The following DMD variants were observed in gnomAD, a reference collection of about 807,000 sequenced individuals.
DMD encodes dystrophin, also known as mutant dystrophin.
In DMD, 63 loss-of-function variants were observed where a neutral mutation model predicts 330.1. The observed-to-expected ratio is 0.19, with a 90% confidence interval of 0.16 to 0.24. The LOEUF (loss-of-function observed/expected upper bound fraction) is 0.24, where lower values mean the gene tolerates loss of function less well. Ranked by LOEUF, DMD falls within the 10% of genes least tolerant of loss-of-function variation. The pLI, the probability that DMD is intolerant of heterozygous loss-of-function variation, is 1.00. For synonymous variants in DMD, 1,223 were observed against 959.8 expected (o/e 1.27, Z -5.07); for missense variants, 3,344 against 2,684.1 (o/e 1.25, Z -5.43).
Position 32,811,939 on chromosome X carries a change from T to A in DMD, c.531-2328A>T, listed in dbSNP as rs1040892071. On this transcript the variant is annotated intron_variant, in intron 6 of 78. Coordinates refer to ENST00000357033, the MANE Select transcript of DMD (RefSeq NM_004006.3). ...AGGAAAAAAGCAAAACATGCTCAGATAATCAAGACCTCACAGGCCTGGCTC... is the reference window on the plus strand; with the variant it reads ...AGGAAAAAAGCAAAACATGCTCAGAAAATCAAGACCTCACAGGCCTGGCTC... Among the ~76,000 whole-genome samples the A allele has an allele frequency of 3.6e-5, 4 of 112,044 alleles. No individual in the cohort carries two copies. The Admixed American group carries it at 3.8e-4, about 11-fold the overall frequency.
chrX:33,120,878 C>CAAAAAA (rs1171070469), intron 1 of DMD, among the ~76,000 whole-genome samples: 2 of 36,691 alleles, frequency 5.5e-5, no homozygotes, highest in African/African-American at 1.3e-4. Flanking sequence ...ATGACTCTCT[C>CAAAAAA]AAAAAAAAAA....
intron 7 of DMD, among the ~76,000 whole-genome samples, chrX:32,702,842 T>A (rs776719206): frequency 1.0e-3 from 114 of 111,410 alleles, no homozygotes; most frequent in Non-Finnish European, 1.8e-3. Context: ...AATGCCTATA[T>A]ACAAAGTTAT....
chrX:31,660,490 G>C (rs1029601118), intron 53 of DMD, among the ~76,000 whole-genome samples: 55 of 111,949 alleles, frequency 4.9e-4, no homozygotes, highest in African/African-American at 1.8e-3. Context: ...TCCAGAGGGT[G>C]CTATTTGCAT....
At chrX:33,132,368 A>T (rs765293264) in intron 1 of DMD, among the ~76,000 whole-genome samples, 1 of 111,604 alleles carries the variant, frequency 9.0e-6, no homozygotes, top group African/African-American at 3.3e-5. Flanking sequence ...TGGGCATTGC[A>T]CCTTGCACAA....
At chrX:32,481,425 A>T (rs1235041324) in intron 21 of DMD, among the ~76,000 whole-genome samples, 3 of 111,431 alleles carry the variant, frequency 2.7e-5, no homozygotes, top group Non-Finnish European at 1.9e-5. Context: ...AATACAACTA[A>T]GGGTACTTAA....
intron 70 of DMD, chrX:31,178,262 G>C (rs959806591): frequency 1.3e-6 from 1 of 749,443 alleles, no homozygotes; most frequent in African/African-American, 2.3e-5. Flanking sequence ...ATTTTCTTTT[G>C]AGTAGAAACA....
At chrX:31,461,048 C>A (rs935329524) in intron 59 of DMD, among the ~76,000 whole-genome samples, 11 of 111,177 alleles carry the variant, frequency 9.9e-5, no homozygotes, top group African/African-American at 3.6e-4. Flanking sequence ...GAAAAGAAGC[C>A]ATTTATTCAT....
intron 9 of DMD, among the ~76,000 whole-genome samples, chrX:32,655,511 T>C (rs548008854): frequency 8.0e-5 from 9 of 112,261 alleles, no homozygotes; most frequent in African/African-American, 2.3e-4. Flanking sequence ...GACACTTTGT[T>C]ATAATTTCTG....
chrX:32,096,362 A>C (rs961898342), intron 44 of DMD, among the ~76,000 whole-genome samples: 5 of 111,401 alleles, frequency 4.5e-5, no homozygotes, highest in African/African-American at 1.6e-4. Context: ...TCTTCAAATA[A>C]ACAGCCATTC....
At chrX:32,384,561 A>G (rs1446256376) in intron 33 of DMD, among the ~76,000 whole-genome samples, 2 of 111,116 alleles carry the variant, frequency 1.8e-5, no homozygotes, top group East Asian at 5.6e-4. Context: ...GGTTTTTAAA[A>G]TATAAAAACA....
intron 7 of DMD, among the ~76,000 whole-genome samples, chrX:32,720,645 T>C (rs931432230): frequency 8.0e-5 from 9 of 111,821 alleles, no homozygotes; most frequent in Admixed American, 7.6e-4. Context: ...CATCTCTGGA[T>C]CTGACATATT....
At chrX:33,309,073 A>C (rs892416700) in intron 1 of DMD, among the ~76,000 whole-genome samples, 1 of 111,682 alleles carries the variant, frequency 9.0e-6, no homozygotes, top group Non-Finnish European at 1.9e-5. Context: ...ATATGGGAAC[A>C]CTAAAGCTCT....
chrX:32,518,512 G>T (rs763300137), intron 17 of DMD, among the ~76,000 whole-genome samples: 8 of 110,620 alleles, frequency 7.2e-5, no homozygotes, highest in Non-Finnish European at 1.3e-4. Flanking sequence ...GGTCACCATT[G>T]AAACACATGC....
chrX:31,948,804 T>G (rs1171138491), intron 45 of DMD, among the ~76,000 whole-genome samples: 1 of 111,918 alleles, frequency 8.9e-6, no homozygotes, highest in Non-Finnish European at 1.9e-5. Flanking sequence ...AATAATAAGC[T>G]TTTCTTCTAT....
intron 67 of DMD, among the ~76,000 whole-genome samples, chrX:31,202,142 C>T (rs779011175): frequency 7.2e-5 from 8 of 111,309 alleles, no homozygotes; most frequent in Admixed American, 4.8e-4. Context: ...GCCGAGATCG[C>T]GCCATTGCAC....
intron 13 of DMD, among the ~76,000 whole-genome samples, chrX:32,583,050 T>C (rs774806537): frequency 8.9e-6 from 1 of 112,062 alleles, no homozygotes; most frequent in South Asian, 3.7e-4. Context: ...TTCTACTAGC[T>C]CTCCTCAGTG....
At chrX:32,525,901 T>C (rs763123331) in intron 17 of DMD, among the ~76,000 whole-genome samples, 3 of 112,180 alleles carry the variant, frequency 2.7e-5, no homozygotes, top group South Asian at 3.7e-4. Context: ...TTCAATGCCA[T>C]ATTCAACGTT....
rs755244758 is a variant in DMD at position 32,719,914 on chromosome X, T to A, written c.650-20621A>T. On this transcript the variant is annotated intron_variant, in intron 7 of 78. Transcript: ENST00000357033. Reference sequence around the variant, plus strand: ...TAATACGTTGTTATCCCAGCTTGCATGTGCACACGTGCACACACATACTAT... The same window carrying A: ...TAATACGTTGTTATCCCAGCTTGCAAGTGCACACGTGCACACACATACTAT... Among the ~76,000 whole-genome samples the A allele has an allele frequency of 1.2e-3, 135 of 110,220 alleles. 2 individuals are homozygous for A. The highest frequency in any genetic ancestry group is 4.2e-3 in the African/African-American group (127 of 30,447).
At chrX:32,398,950 G>A (rs763162029) in intron 30 of DMD, among the ~76,000 whole-genome samples, 1 of 111,468 alleles carries the variant, frequency 9.0e-6, no homozygotes, top group African/African-American at 3.3e-5. Context: ...CATCTACAGG[G>A]ACCTAATTTT....
Sources: allele counts gnomAD v4.1 joint callset (sites outside exome capture counted in the v4.1 genomes callset), GRCh38; gene constraint gnomAD v4.1.1; transcripts MANE v1.5; gene names NCBI Gene and HGNC (gene_info 2026-07-23, HGNC 2026-07-21).